HIVEP3: variants seen among roughly 807,000 people sequenced by gnomAD.
HIVEP3 encodes transcription factor HIVEP3.
In HIVEP3, 49 loss-of-function variants were observed where a neutral mutation model predicts 152.8. That is an observed-to-expected ratio of 0.32 (90% CI 0.26 to 0.41). HIVEP3 has a LOEUF of 0.41. Ranked by LOEUF, HIVEP3 falls within the 10% of genes least tolerant of loss-of-function variation. HIVEP3 has a pLI of 1.00. For synonymous variants in HIVEP3, 1,269 were observed against 1,289.0 expected, an observed-to-expected ratio of 0.98 and a Z score of 0.33; for missense variants, 2,790 against 3,103.3, an observed-to-expected ratio of 0.90 and a Z score of 2.40.
intron 1 of HIVEP3, among the ~76,000 whole-genome samples, chr1:41,772,131 G>T (rs1648414634): frequency 1.3e-5 from 2 of 152,174 alleles, no homozygotes; most frequent in Admixed American, 1.3e-4. Context: ...CTTACCAGAA[G>T]CCACTAAAAA....
chr1:41,790,066 T>C (rs994099398), intron 1 of HIVEP3, among the ~76,000 whole-genome samples: 2 of 152,192 alleles, frequency 1.3e-5, no homozygotes, highest in African/African-American at 4.8e-5. Context: ...GAGAGGCTGG[T>C]GGAACTGGCT....
At chr1:42,024,916 T>G (rs1645573812) in intron 1 of HIVEP3, among the ~76,000 whole-genome samples, 3 of 152,262 alleles carry the variant, frequency 2.0e-5, no homozygotes, top group Non-Finnish European at 4.4e-5. Context: ...AGATTTATTC[T>G]ACTGTCTTCT....
Position 41,511,065 on chromosome 1 carries a change from C to A in HIVEP3, c.6607G>T (p.Val2203Leu). Residue 2203 changes from valine to leucine, a missense_variant, in exon 9 of 9, where the codon GTG becomes TTG. By Grantham distance (32) the Val-to-Leu change is conservative. Transcript: ENST00000372583. This position sits in a 1 kb window ranked among gnomAD's most constrained non-coding sequence, Gnocchi z 4.9. ...GGGTGGGCTCCTGGCCGGGCCTGCA[C>A]CATCTGGATCCCACCGATGGGAATC... Reference protein sequence around the residue: ...PLIPIGGIQMVQARPGAHPTL... With the variant: ...PLIPIGGIQMLQARPGAHPTL... 1.2e-6 allele frequency: 2 copies of A among 1,614,100 alleles called. No homozygotes were observed.
chr1:41,726,031 T>C (rs1054064616), intron 1 of HIVEP3, among the ~76,000 whole-genome samples: 1 of 152,322 alleles, frequency 6.6e-6, no homozygotes, highest in Non-Finnish European at 1.5e-5. Context: ...CTTGGCAAGG[T>C]GAGGCATGCT....
chr1:41,594,612 A>G (rs1644637048), intron 3 of HIVEP3, among the ~76,000 whole-genome samples: 1 of 152,074 alleles, frequency 6.6e-6, no homozygotes, highest in African/African-American at 2.4e-5. Context: ...TTGGGAGACT[A>G]TTTTTCTGGT....
chr1:41,738,422 A>C (rs1646949882), intron 1 of HIVEP3, among the ~76,000 whole-genome samples: 1 of 152,152 alleles, frequency 6.6e-6, no homozygotes, highest in Admixed American at 6.5e-5. Flanking sequence ...GGAAGAAAAC[A>C]ATTTAAAAAT....
chr1:41,927,474 T>A (rs11210549), intron 1 of HIVEP3, among the ~76,000 whole-genome samples: 1 of 152,190 alleles, frequency 6.6e-6, no homozygotes, highest in Non-Finnish European at 1.5e-5. Flanking sequence ...CCAAATCACA[T>A]GTAATTTATT....
chr1:41,943,131 C>A (rs1197128259), intron 1 of HIVEP3, among the ~76,000 whole-genome samples: 2 of 152,088 alleles, frequency 1.3e-5, no homozygotes, highest in Non-Finnish European at 2.9e-5. Flanking sequence ...TGGTCTTGAT[C>A]TCCTGACCTC....
In HIVEP3 at chr1:41,513,737, G is replaced by T. The variant is rs1236323258; in HGVS notation, c.5484C>A (p.Asp1828Glu). 2.6e-6 allele frequency: 4 copies of T among 1,564,598 alleles called. No homozygotes were observed. The Admixed American group carries it at 7.4e-5, about 29-fold the overall frequency. Residue 1828 changes from aspartate (D) to glutamate (E), a missense_variant, in exon 8 of 9, where the codon GAC becomes GAA. This residue lies in a region of HIVEP3 where 816 missense variants were observed against 806.5 expected (regional missense o/e 1.01). Transcript: ENST00000372583. ...ELEAEEGTSDDLFQDSEGREG... is the reference protein window; with the variant it reads ...ELEAEEGTSDELFQDSEGREG... ...CTCGTCCTTCCGAGTCCTGGAACAGGTCGTCACTGGTTCCTGAGGGCAAAC... is the reference window on the plus strand; with the variant it reads ...CTCGTCCTTCCGAGTCCTGGAACAGTTCGTCACTGGTTCCTGAGGGCAAAC...
At chr1:41,815,113 G>A (rs1651187586) in intron 1 of HIVEP3, among the ~76,000 whole-genome samples, 1 of 152,206 alleles carries the variant, frequency 6.6e-6, no homozygotes, top group Non-Finnish European at 1.5e-5. Context: ...GGTAACATCT[G>A]AACTGATACC....
intron 5 of HIVEP3, among the ~76,000 whole-genome samples, chr1:41,572,549 G>T (rs1644266100): frequency 1.3e-5 from 2 of 152,142 alleles, no homozygotes; most frequent in South Asian, 4.1e-4. Flanking sequence ...TGGGTCTTGT[G>T]TTGCCACCTT....
At chr1:41,733,229 G>C (rs1038636059) in intron 1 of HIVEP3, among the ~76,000 whole-genome samples, 7 of 152,170 alleles carry the variant, frequency 4.6e-5, no homozygotes, top group African/African-American at 1.7e-4. Flanking sequence ...CAGAGTGGAG[G>C]GGGTGGGGAA....
chr1:41,889,421 T>C (rs1644411991), intron 1 of HIVEP3, among the ~76,000 whole-genome samples: 1 of 152,030 alleles, frequency 6.6e-6, no homozygotes, highest in Non-Finnish European at 1.5e-5. Flanking sequence ...GCCACCTCAT[T>C]ACCCAAAAGC....
At chr1:41,633,109 G>A (rs1403095806) in intron 2 of HIVEP3, among the ~76,000 whole-genome samples, 1 of 152,110 alleles carries the variant, frequency 6.6e-6, no homozygotes. Context: ...TCAGAGGGCT[G>A]CCCACCACAC....
chr1:41,747,303 G>A (rs1274879242), intron 1 of HIVEP3, among the ~76,000 whole-genome samples: 1 of 152,140 alleles, frequency 6.6e-6, no homozygotes, highest in Non-Finnish European at 1.5e-5. Flanking sequence ...GAGGAGTGCT[G>A]CAGGACACCC....
chr1:41,917,396 A>T (rs1644887493), intron 1 of HIVEP3, among the ~76,000 whole-genome samples: 1 of 152,120 alleles, frequency 6.6e-6, no homozygotes, highest in Admixed American at 6.5e-5. Context: ...TTACAATGCC[A>T]AGGGCTACCA....
At chr1:41,863,797 G>A (rs941881974) in intron 1 of HIVEP3, among the ~76,000 whole-genome samples, 11 of 152,112 alleles carry the variant, frequency 7.2e-5, no homozygotes, top group Non-Finnish European at 7.4e-5. Context: ...TGTAGTCCAG[G>A]ATTCTCCATC....
At chr1:41,512,093 G>A (rs1642440979) in intron 8 of HIVEP3, among the ~76,000 whole-genome samples, 2 of 151,994 alleles carry the variant, frequency 1.3e-5, no homozygotes, top group South Asian at 2.1e-4. Context: ...GGTGGGGGAT[G>A]GGGAATTGCA....
chr1:42,031,340 T>C (rs1004692760), intron 1 of HIVEP3, among the ~76,000 whole-genome samples: 1 of 152,240 alleles, frequency 6.6e-6, no homozygotes, highest in Non-Finnish European at 1.5e-5. Flanking sequence ...TGTTTCTTCC[T>C]TCTGGATGTC....
Sources: allele counts gnomAD v4.1 joint callset (sites outside exome capture counted in the v4.1 genomes callset), GRCh38; gene constraint gnomAD v4.1.1; regional missense constraint gnomAD v4.1.1; non-coding constraint Gnocchi (gnomAD v3.1); transcripts MANE v1.5; gene names NCBI Gene and HGNC (gene_info 2026-07-23, HGNC 2026-07-21).